ZNF177: variants seen among roughly 807,000 people sequenced by gnomAD.
ZNF177 encodes zinc finger protein 177.
ZNF177 carries 17 observed loss-of-function variants against 19.4 expected under a neutral mutation model. The ratio of observed to expected loss-of-function variants is 0.87; its 90% CI spans 0.60 to 1.31. ZNF177 has a LOEUF of 1.31. ZNF177 is among the 40% of genes most tolerant of loss of function. The pLI, the probability that ZNF177 is intolerant of heterozygous loss-of-function variation, is 0.00. For missense variants in ZNF177, 633 were observed against 561.8 expected (o/e 1.13, Z -1.28); for synonymous variants, 220 against 188.7 (o/e 1.17, Z -1.36).
At position 9,381,256 on chromosome 19, in the gene ZNF177, G is replaced by GA. The variant is rs1377808546; in HGVS notation, c.926dup (p.Lys310GlufsTer4). On this transcript the variant is annotated frameshift_variant, in exon 6 of 6. Transcript: ENST00000589262. LOFTEE classifies it low-confidence loss of function (END_TRUNC). Reference sequence around the variant, plus strand: ...GAAACACATGAGATCTCATACTGGAGAGAAGCCTTATGAGTGTGATCACTG... The same window carrying GA: ...GAAACACATGAGATCTCATACTGGAGAAGAAGCCTTATGAGTGTGATCACTG... The GA allele has an allele frequency of 6.2e-7, 1 of 1,614,046 alleles. No individual in the cohort carries two copies. The highest frequency in any genetic ancestry group is 1.3e-5 in the African/African-American group (1 of 74,902).
intron 2 of ZNF177, 146 bp downstream of exon 4, chr19:9,378,490 A>G (rs2122549366): frequency 7.7e-7 from 1 of 1,291,444 alleles, no homozygotes; most frequent in East Asian, 2.6e-5. Flanking sequence ...GGAAGAGGGA[A>G]TCCCTGGGAA....
chr19:9,382,481 ATC>A, downstream of ZNF177: 1 of 398,570 alleles, frequency 2.5e-6, no homozygotes. Flanking sequence ...TGTGCTGCTT[ATC>A]TCTGGATTTC....
At chr19:9,380,324 C>T (rs2068175363) in intron 5 of ZNF177, among the ~76,000 whole-genome samples, 185 bp downstream of exon 7, 1 of 151,408 alleles carries the variant, frequency 6.6e-6, no homozygotes, top group African/African-American at 2.4e-5. Flanking sequence ...CCTAGGTTAA[C>T]ACTTGCTGGC....
intron 2 of ZNF177, among the ~76,000 whole-genome samples, chr19:9,366,352 C>G (rs2067979739): frequency 6.6e-6 from 1 of 152,048 alleles, no homozygotes; most frequent in Non-Finnish European, 1.5e-5. Flanking sequence ...CCCTCGACCT[C>G]CCTAGCTCGG....
chr19:9,379,882 C>T (rs548485853), intron 4 of ZNF177, among the ~76,000 whole-genome samples, 175 bp from the exon 7 acceptor site: 1 of 151,932 alleles, frequency 6.6e-6, no homozygotes, highest in Non-Finnish European at 1.5e-5. Flanking sequence ...AACTAAAATA[C>T]CTCCCATTTC....
exon 6 of ZNF177, chr19:9,381,265 T>G: frequency 6.2e-7 from 1 of 1,614,110 alleles, no homozygotes; most frequent in Non-Finnish European, 8.5e-7. Flanking sequence ...AGAGAAGCCT[T>G]ATGAGTGTGA....
chr19:9,373,034 G>A (rs2068067323), upstream of ZNF177, among the ~76,000 whole-genome samples: 1 of 152,076 alleles, frequency 6.6e-6, no homozygotes, highest in Non-Finnish European at 1.5e-5. Context: ...GCACTCTCTT[G>A]GAAAATTTCA....
intron 2 of ZNF177, among the ~76,000 whole-genome samples, chr19:9,366,612 T>C (rs895387676): frequency 6.6e-6 from 1 of 152,252 alleles, no homozygotes; most frequent in African/African-American, 2.4e-5. Context: ...CATTTTCATT[T>C]ATCCGTTCAT....
chr19:9,368,061 T>A (rs547829340), intron 2 of ZNF177, among the ~76,000 whole-genome samples: 1 of 152,348 alleles, frequency 6.6e-6, no homozygotes, highest in South Asian at 2.1e-4. Flanking sequence ...CATAACTGAC[T>A]GATAAAGCCT....
At chr19:9,379,752 G>A (rs10411115) in intron 4 of ZNF177, 133 bp downstream of exon 6, 636,168 of 1,085,776 alleles carry the variant, frequency 0.59, 188,152 homozygotes, top group African/African-American at 0.73. Flanking sequence ...CTATTCAATC[G>A]TTCATACGTT....
intron 3 of ZNF177, 22 bp from the exon 6 acceptor site, chr19:9,379,505 T>A: frequency 6.2e-7 from 1 of 1,609,730 alleles, no homozygotes; most frequent in South Asian, 1.1e-5. Flanking sequence ...TTCTCCCACA[T>A]CCTTGCTTTC....
chr19:9,371,476 TTAGA>T (rs1248518795), upstream of ZNF177: 3 of 152,188 alleles, frequency 2.0e-5, no homozygotes, highest in African/African-American at 2.4e-5. Flanking sequence ...TAAAGAGTAG[TTAGA>T]TAGTTTGTCT....
At chr19:9,380,447 G>T (rs956787923) in intron 5 of ZNF177, 2 of 866,028 alleles carry the variant, frequency 2.3e-6, no homozygotes, top group Middle Eastern at 7.1e-4. Flanking sequence ...TATTAAAGAA[G>T]CCCTTTGCTG....
chr19:9,378,387 C>A, intron 2 of ZNF177, 43 bp downstream of exon 4: 2 of 1,612,300 alleles, frequency 1.2e-6, no homozygotes, highest in East Asian at 2.2e-5. Context: ...CACTGCCATT[C>A]CTGAAAAGAA....
exon 6 of ZNF177, chr19:9,381,807 C>G (rs748707560): frequency 6.4e-7 from 1 of 1,558,698 alleles, no homozygotes. Flanking sequence ...TGTTGCCCCT[C>G]ATGCCTCCTT....
chr19:9,380,467 A>C (rs2068178125), intron 5 of ZNF177: 2 of 1,027,460 alleles, frequency 1.9e-6, no homozygotes, highest in African/African-American at 3.2e-5. Context: ...GGGAAGGAAT[A>C]GAGCCTTGGA....
At chr19:9,379,323 C>T (rs964920552) in intron 3 of ZNF177, 2 of 1,060,960 alleles carry the variant, frequency 1.9e-6, no homozygotes, top group African/African-American at 3.2e-5. Context: ...GTATAGGTTT[C>T]AAGGGTCACT....
Position 9,380,790 on chromosome 19 carries a change from T to C in ZNF177, c.459T>C (p.Tyr153=), listed in dbSNP as rs112814662. Residue 153 remains tyrosine (Y), a synonymous_variant, in exon 6 of 6, where the codon TAT becomes TAC. Coordinates refer to ENST00000589262, the Ensembl canonical transcript of ZNF177. ...AGAAATGCTATAAATATATAAAGTA[T>C]AGCAAAGTCTTCAACCATCCCTCAA... 1.4e-5 allele frequency: 21 copies of C among 1,536,122 alleles called. No individual in the cohort carries two copies. The African/African-American group carries it at 2.3e-4, about 17-fold the overall frequency.
At chr19:9,378,156 CTA>C (rs1004594793) in intron 1 of ZNF177, 101 bp from the exon 4 acceptor site, 9 of 1,046,624 alleles carry the variant, frequency 8.6e-6, no homozygotes, top group African/African-American at 6.6e-5. Flanking sequence ...TAACTACACT[CTA>C]TGTGTATGTT....
Sources: gnomAD v4.1 joint callset for allele counts (sites outside exome capture counted in the v4.1 genomes callset) on GRCh38, gnomAD v4.1.1 for gene constraint, MANE v1.5 for transcripts, NCBI Gene and HGNC (gene_info 2026-07-23, HGNC 2026-07-21) for gene names.